The following SV2C variants were observed in gnomAD, a reference collection of about 807,000 sequenced individuals.
SV2C encodes the protein solute carrier family 22 member B3.
In SV2C, 49 loss-of-function variants were observed where a neutral mutation model predicts 79.7. That is an observed-to-expected ratio of 0.61 (90% CI 0.49 to 0.78). The LOEUF (loss-of-function observed/expected upper bound fraction) is 0.78, where lower values mean the gene tolerates loss of function less well. Ranked by LOEUF, SV2C falls within the 30% of genes least tolerant of loss-of-function variation. SV2C has a pLI of 0.00. For missense variants in SV2C, 833 were observed against 912.9 expected (o/e 0.91, Z 1.13); for synonymous variants, 334 against 333.2 (o/e 1.00, Z -0.03).
rs537149560 is a variant in SV2C, at chr5:76,343,350, C to A, written c.2001-9780C>A. 2.4e-3 allele frequency among the ~76,000 whole-genome samples: 366 copies of A among 152,020 alleles called. 5 individuals are homozygous for A. Among genetic ancestry groups the A allele is most frequent in the South Asian group, 6.9e-3 (33 of 4,784 alleles). On this transcript the variant is annotated intron_variant, in intron 12 of 12. Coordinates refer to the SV2C transcript ENST00000322285. ...TTTGATTCAGACAAGATGAAGAATT[C>A]CTACAAATCAATACAAAAAAGACAT...
the SV2C span, among the ~76,000 whole-genome samples, chr5:76,037,890 T>C: frequency 1.3e-5 from 2 of 152,324 alleles, no homozygotes; most frequent in South Asian, 2.1e-4. Flanking sequence ...TAGCAATCAG[T>C]GAGACTCCGT....
At chr5:76,248,941 C>T in intron 4 of SV2C, among the ~76,000 whole-genome samples, 1 of 152,104 alleles carries the variant, frequency 6.6e-6, no homozygotes, top group East Asian at 1.9e-4. Context: ...TTTTGAATGA[C>T]TGAATGAAAA....
intron 2 of SV2C, among the ~76,000 whole-genome samples, chr5:76,169,387 C>T (rs148153955): frequency 2.0e-5 from 3 of 152,278 alleles, no homozygotes; most frequent in Non-Finnish European, 4.4e-5. Context: ...GTAATATTCA[C>T]AGGAACCCTC....
At chr5:75,851,802 G>A in the SV2C span, among the ~76,000 whole-genome samples, 1 of 152,264 alleles carries the variant, frequency 6.6e-6, no homozygotes, top group Non-Finnish European at 1.5e-5. Flanking sequence ...GGCGCATGGC[G>A]CCACGCCAGG....
the SV2C span, chr5:75,920,741 G>A: frequency 3.9e-6 from 3 of 774,838 alleles, no homozygotes; most frequent in Non-Finnish European, 4.8e-6. Flanking sequence ...CCTTGAAGGT[G>A]CGGTTCAGGA....
chr5:76,185,527 C>A (rs1436194523), intron 2 of SV2C, among the ~76,000 whole-genome samples: 1 of 152,252 alleles, frequency 6.6e-6, no homozygotes, highest in Non-Finnish European at 1.5e-5. Flanking sequence ...ATTCCCCAAC[C>A]TTAATTCTTG....
the SV2C span, among the ~76,000 whole-genome samples, chr5:75,981,968 A>G: frequency 1.3e-5 from 2 of 151,604 alleles, no homozygotes; most frequent in Non-Finnish European, 2.9e-5. Context: ...CAAACTATAC[A>G]TCTGACAAGG....
At chr5:75,989,712 GTCT>G in the SV2C span, among the ~76,000 whole-genome samples, 19 of 151,976 alleles carry the variant, frequency 1.3e-4, no homozygotes, top group Non-Finnish European at 2.1e-4. Context: ...TTGCCACACT[GTCT>G]TCCACAATGG....
the SV2C span, among the ~76,000 whole-genome samples, chr5:75,904,400 CAGAGAG>C: frequency 4.2e-4 from 58 of 138,844 alleles, no homozygotes; most frequent in Middle Eastern, 3.5e-3. Context: ...AAAACAAACC[CAGAGAG>C]AGAGAGAGAG....
At chr5:76,263,332 G>A (rs1415010809) in intron 4 of SV2C, among the ~76,000 whole-genome samples, 1 of 151,568 alleles carries the variant, frequency 6.6e-6, no homozygotes, top group Non-Finnish European at 1.5e-5. Flanking sequence ...ATACTCCTCA[G>A]CCCTTTATTT....
chr5:76,166,185 G>A (rs939418080), intron 2 of SV2C, among the ~76,000 whole-genome samples: 2 of 152,188 alleles, frequency 1.3e-5, no homozygotes, highest in Non-Finnish European at 2.9e-5. Flanking sequence ...AAAGTTTTAT[G>A]CATTTTTTCA....
At chr5:75,875,942 T>G in the SV2C span, among the ~76,000 whole-genome samples, 1 of 150,702 alleles carries the variant, frequency 6.6e-6, no homozygotes, top group Non-Finnish European at 1.5e-5. Flanking sequence ...CTGATGAGGT[T>G]GCAGAGAAAA....
chr5:76,001,320 G>A, the SV2C span, among the ~76,000 whole-genome samples: 188 of 152,284 alleles, frequency 1.2e-3, 3 homozygotes, highest in East Asian at 0.033. Context: ...TCTCTTTTCC[G>A]CCAGGCGCGG....
chr5:76,146,796 TTAAAAAA>T (rs1483724724), intron 2 of SV2C, among the ~76,000 whole-genome samples: 16 of 67,084 alleles, frequency 2.4e-4, no homozygotes, highest in African/African-American at 1.1e-3. Flanking sequence ...GAGTTTTTTT[TTAAAAAA>T]AAAAAAAAAA....
chr5:75,866,324 C>T, the SV2C span, among the ~76,000 whole-genome samples: 5 of 152,178 alleles, frequency 3.3e-5, no homozygotes, highest in East Asian at 9.7e-4. Flanking sequence ...CAATCTGATA[C>T]TGATGTTAGT....
chr5:76,312,406 C>T (rs912564559), intron 12 of SV2C, among the ~76,000 whole-genome samples: 27 of 152,092 alleles, frequency 1.8e-4, no homozygotes, highest in African/African-American at 6.5e-4. Context: ...GTGCCTTCCA[C>T]CACTCCCAGC....
chr5:76,156,551 G>A (rs1742734361), intron 2 of SV2C, among the ~76,000 whole-genome samples: 3 of 152,042 alleles, frequency 2.0e-5, no homozygotes, highest in African/African-American at 7.2e-5. Flanking sequence ...GGGGGCATTA[G>A]GCAATAGATA....
intron 4 of SV2C, among the ~76,000 whole-genome samples, chr5:76,284,654 A>G (rs1747291235): frequency 6.6e-6 from 1 of 152,196 alleles, no homozygotes; most frequent in African/African-American, 2.4e-5. Context: ...CCAGCCAGTC[A>G]GGGGGAAGGG....
At chr5:75,943,918 A>C in the SV2C span, among the ~76,000 whole-genome samples, 1 of 152,152 alleles carries the variant, frequency 6.6e-6, no homozygotes. Flanking sequence ...GAGTTGGGAG[A>C]ATTAATTTAT....
Sources: gnomAD v4.1 joint callset for allele counts (sites outside exome capture counted in the v4.1 genomes callset) on GRCh38, gnomAD v4.1.1 for gene constraint, MANE v1.5 for transcripts, NCBI Gene and HGNC (gene_info 2026-07-23, HGNC 2026-07-21) for gene names.